The following UNC79 variants were observed in gnomAD, a reference collection of about 807,000 sequenced individuals.
UNC79 encodes the protein unc-79 subunit of NALCN channel complex, also known as protein unc-79 homolog.
A neutral mutation model predicts 283.1 loss-of-function variants in UNC79; 37 were observed. That is an observed-to-expected ratio of 0.13 (90% CI 0.10 to 0.17). The LOEUF is 0.17. UNC79 is among the 10% of genes least tolerant of loss of function. The pLI is 1.00. For missense variants in UNC79, 2,272 were observed against 3,211.1 expected, an observed-to-expected ratio of 0.71 and a Z score of 7.07; for synonymous variants, 1,107 against 1,200.2, an observed-to-expected ratio of 0.92 and a Z score of 1.61.
intron 11 of UNC79, among the ~76,000 whole-genome samples, chr14:93,533,168 A>G (rs1224997776): frequency 6.6e-6 from 1 of 152,148 alleles, no homozygotes; most frequent in Non-Finnish European, 1.5e-5. Flanking sequence ...TGTCATAAAA[A>G]AGAATTTTTG....
chr14:93,529,162 G>A, intron 9 of UNC79, 124 bp from the exon 10 acceptor site: 3 of 855,886 alleles, frequency 3.5e-6, no homozygotes, highest in Non-Finnish European at 5.4e-6. Context: ...TATTATGATA[G>A]TGCTCTTAAT....
chr14:93,338,916 C>T (rs1349381253), intron 1 of UNC79, among the ~76,000 whole-genome samples: 1 of 151,586 alleles, frequency 6.6e-6, no homozygotes, highest in Non-Finnish European at 1.5e-5. Flanking sequence ...CAAAAACAAA[C>T]AAAAAAAACT....
chr14:93,377,574 T>C (rs748064232), intron 1 of UNC79, among the ~76,000 whole-genome samples: 1 of 152,170 alleles, frequency 6.6e-6, no homozygotes, highest in African/African-American at 2.4e-5. Flanking sequence ...TTGTGTTATA[T>C]AAAGGGGAGA....
intron 1 of UNC79, chr14:93,348,218 A>G: frequency 1.4e-6 from 1 of 724,328 alleles, no homozygotes; most frequent in East Asian, 2.6e-5. Context: ...AGTTGATGCA[A>G]CCATTGTGGT....
intron 22 of UNC79, among the ~76,000 whole-genome samples, chr14:93,592,372 C>G (rs2064757694): frequency 6.6e-6 from 1 of 151,944 alleles, no homozygotes; most frequent in Admixed American, 6.6e-5. Flanking sequence ...GACGGAGTTT[C>G]ACTGTGTTAG....
chr14:93,612,635 C>T (rs752613599), intron 26 of UNC79, among the ~76,000 whole-genome samples, 162 bp from the exon 28 acceptor site: 1 of 152,182 alleles, frequency 6.6e-6, no homozygotes, highest in Admixed American at 6.5e-5. Flanking sequence ...TAGGGCTCTG[C>T]CTACTAGGCC....
At position 93,617,397 on chromosome 14, in the gene UNC79, T is replaced by C; in HGVS notation, c.4224+93T>C. 2 of 1,345,700 alleles carry C rather than the reference T, an allele frequency of 1.5e-6. No individual in the cohort carries two copies. The highest frequency in any genetic ancestry group is 4.7e-5 in the Admixed American group (2 of 42,642). 83.4% of individuals were successfully genotyped at this position (1,345,700 alleles called of 1,614,324 possible). On this transcript the variant is annotated intron_variant, in intron 28 of 48. Coordinates refer to ENST00000555664, the Ensembl canonical transcript of UNC79. The surrounding 1 kb of genome is among the most constrained non-coding windows in gnomAD (Gnocchi z 4.5). ...ACACCTGAGTCTTTAGTTGAAAATT[T>C]TGTAGAAGTTTGACCTTCAGAAGGA...
chr14:93,687,527 G>C (rs982659282), intron 43 of UNC79, among the ~76,000 whole-genome samples: 1 of 152,172 alleles, frequency 6.6e-6, no homozygotes, highest in Admixed American at 6.5e-5. Flanking sequence ...TTAGGAGCTA[G>C]TGATCCCAGA....
At position 93,655,918 on chromosome 14, in the gene UNC79, G is replaced by A. The variant is rs201080290; in HGVS notation, c.6456+511G>A. Reference sequence around the variant, plus strand: ...CAATTACCTACCTGGAAATCTGGTGGCCCAAGGATCATTGACAACATGAGC... The same window carrying A: ...CAATTACCTACCTGGAAATCTGGTGACCCAAGGATCATTGACAACATGAGC... On this transcript the variant is annotated intron_variant, in intron 38 of 48. Coordinates refer to ENST00000555664, the Ensembl canonical transcript of UNC79. 2.0e-5 allele frequency among the ~76,000 whole-genome samples: 3 copies of A among 152,134 alleles called. No individual in the cohort carries two copies. The East Asian group carries it at 5.8e-4, about 29-fold the overall frequency.
At chr14:93,467,821 A>C in intron 2 of UNC79, 30 bp downstream of exon 2, 2 of 1,478,132 alleles carry the variant, frequency 1.4e-6, no homozygotes, top group Non-Finnish European at 1.8e-6. Context: ...CTACTTTGAG[A>C]GAATTATTAG....
At position 93,537,239 on chromosome 14, in the gene UNC79, CA is replaced by C. The variant is rs367761152; in HGVS notation, c.1123-749del. Reference sequence around the variant, plus strand: ...CTCACTCCTCTGCCTCCCGCCAGGGCAGCTTGAACAGTACCACCCCTGAACT... The same window carrying C: ...CTCACTCCTCTGCCTCCCGCCAGGGCGCTTGAACAGTACCACCCCTGAACT... On this transcript the variant is annotated intron_variant, in intron 11 of 48. Coordinates refer to ENST00000555664, the Ensembl canonical transcript of UNC79. Among the ~76,000 whole-genome samples the C allele has an allele frequency of 4.6e-5, 7 of 152,368 alleles. No homozygotes were observed. In the East Asian group the frequency reaches 1.3e-3, roughly 29 times the overall value.
At chr14:93,418,828 G>C (rs1157343752) in intron 1 of UNC79, among the ~76,000 whole-genome samples, 1 of 151,852 alleles carries the variant, frequency 6.6e-6, no homozygotes, top group East Asian at 2.0e-4. Flanking sequence ...CTCCAAGCCA[G>C]GTGCGCAATA....
intron 47 of UNC79, among the ~76,000 whole-genome samples, chr14:93,698,793 A>G (rs1192210503): frequency 6.6e-6 from 1 of 151,922 alleles, no homozygotes; most frequent in African/African-American, 2.4e-5. Context: ...GGCTGAAAAA[A>G]CTTGGAGGTG....
intron 14 of UNC79, among the ~76,000 whole-genome samples, chr14:93,556,173 A>C (rs770356352): frequency 2.0e-5 from 3 of 152,152 alleles, no homozygotes; most frequent in Non-Finnish European, 4.4e-5. Flanking sequence ...ACATTTCCCC[A>C]AGGCTGCTGG....
chr14:93,600,760 T>C (rs757453216), exon 25 of UNC79: 1 of 1,612,438 alleles, frequency 6.2e-7, no homozygotes, highest in South Asian at 1.1e-5. Context: ...AGGAATTTCC[T>C]TTTCCTACAA....
At chr14:93,426,483 G>A (rs112657974), upstream of UNC79, among the ~76,000 whole-genome samples, 1,444 of 150,866 alleles carry the variant, frequency 9.6e-3, 26 homozygotes, top group African/African-American at 0.033. Flanking sequence ...CTCTTCTTCT[G>A]TGAGTATAAT....
chr14:93,345,968 G>A (rs77130599), intron 1 of UNC79, among the ~76,000 whole-genome samples: 11,138 of 149,596 alleles, frequency 0.074, 879 homozygotes, highest in African/African-American at 0.2. Flanking sequence ...TATATTTATC[G>A]GCTCACTAGA....
At chr14:93,356,455 C>T (rs2054088457) in intron 1 of UNC79, among the ~76,000 whole-genome samples, 1 of 152,220 alleles carries the variant, frequency 6.6e-6, no homozygotes, top group Admixed American at 6.5e-5. Flanking sequence ...ATCTCTGTTT[C>T]CTCACCCACG....
At chr14:93,586,888 G>A (rs775464330) in exon 22 of UNC79, 3 of 1,613,838 alleles carry the variant, frequency 1.9e-6, no homozygotes, top group South Asian at 1.1e-5. Flanking sequence ...CCTACATTCA[G>A]GACCACATGT....
Sources: allele counts gnomAD v4.1 joint callset (sites outside exome capture counted in the v4.1 genomes callset), GRCh38; gene constraint gnomAD v4.1.1; non-coding constraint Gnocchi (gnomAD v3.1); transcripts MANE v1.5; gene names NCBI Gene and HGNC (gene_info 2026-07-23, HGNC 2026-07-21).